The following NDUFS4 variants were observed in gnomAD, a reference collection of about 807,000 sequenced individuals.
The protein encoded by NDUFS4 is NADH dehydrogenase [ubiquinone] iron-sulfur protein 4, mitochondrial.
NDUFS4 carries 28 observed loss-of-function variants against 24.3 expected under a neutral mutation model. That is an observed-to-expected ratio of 1.15 (90% CI 0.85 to 1.58). The LOEUF (loss-of-function observed/expected upper bound fraction) is 1.58, where lower values mean the gene tolerates loss of function less well. Ranked by LOEUF, NDUFS4 falls within the 40% of genes most tolerant of loss-of-function variation. NDUFS4 has a pLI of 0.00. For synonymous variants in NDUFS4, 93 were observed against 69.7 expected (o/e 1.34, Z -1.67); for missense variants, 223 against 207.9 (o/e 1.07, Z -0.45).
At chr5:53,660,460 A>T (rs1278563344) in intron 4 of NDUFS4, among the ~76,000 whole-genome samples, 4 of 152,042 alleles carry the variant, frequency 2.6e-5, no homozygotes, top group Non-Finnish European at 5.9e-5. Flanking sequence ...CAGTAAACAT[A>T]TGTGTGCATG....
intron 1 of NDUFS4, among the ~76,000 whole-genome samples, chr5:53,571,414 C>T (rs113235672): frequency 4.1e-4 from 62 of 152,320 alleles, no homozygotes; most frequent in African/African-American, 1.3e-3. Context: ...ATTGTATGGA[C>T]AAACCACATT....
intron 1 of NDUFS4, among the ~76,000 whole-genome samples, chr5:53,572,934 G>A (rs187954579): frequency 1.4e-4 from 21 of 149,684 alleles, no homozygotes; most frequent in Non-Finnish European, 2.8e-4. Context: ...GTGAGCTACC[G>A]TGCCTGGCCT....
In NDUFS4 at chr5:53,582,163, A is replaced by C. The variant is rs540248687; in HGVS notation, c.99-21289A>C. Among the ~76,000 whole-genome samples the C allele has an allele frequency of 2.3e-3, 349 of 152,090 alleles. 1 individual carries two copies. Among genetic ancestry groups the C allele is most frequent in the Middle Eastern group, 0.017 (5 of 294 alleles). On this transcript the variant is annotated intron_variant, in intron 1 of 4. Coordinates refer to ENST00000296684, the MANE Select transcript of NDUFS4 (RefSeq NM_002495.4). ...GAGGCGGAGCTTGCAGTGAGCCGAGATCGCGCCACTGCACTCCAGCCTGAG... is the reference window on the plus strand; with the variant it reads ...GAGGCGGAGCTTGCAGTGAGCCGAGCTCGCGCCACTGCACTCCAGCCTGAG...
intron 4 of NDUFS4, among the ~76,000 whole-genome samples, chr5:53,660,005 CTTTTT>C (rs141107369): frequency 6.6e-6 from 1 of 150,936 alleles, no homozygotes; most frequent in Non-Finnish European, 1.5e-5. Flanking sequence ...TATTAATAGA[CTTTTT>C]TTTTATTTAA....
At chr5:53,600,200 C>T (rs1184346794) in intron 1 of NDUFS4, among the ~76,000 whole-genome samples, 4 of 151,598 alleles carry the variant, frequency 2.6e-5, no homozygotes, top group South Asian at 2.1e-4. Context: ...GGTTTCTCCA[C>T]GTTGGTCAGG....
intron 2 of NDUFS4, among the ~76,000 whole-genome samples, chr5:53,631,759 A>C (rs562543576): frequency 7.2e-5 from 11 of 152,288 alleles, no homozygotes; most frequent in Admixed American, 7.2e-4. Context: ...TCGATCTCAG[A>C]CTGCTGCGCT....
At chr5:53,682,821 AT>A (rs1740712027) in intron 4 of NDUFS4, among the ~76,000 whole-genome samples, 1 of 152,122 alleles carries the variant, frequency 6.6e-6, no homozygotes, top group Non-Finnish European at 1.5e-5. Context: ...AGTAATGGAA[AT>A]TTTTATGTAA....
chr5:53,650,006 A>G (rs931872141), intron 3 of NDUFS4, among the ~76,000 whole-genome samples: 5 of 152,170 alleles, frequency 3.3e-5, no homozygotes, highest in African/African-American at 1.2e-4. Flanking sequence ...TATAATATAT[A>G]GAGTCATTTT....
At chr5:53,679,722 T>TTGAG (rs1160766534) in intron 4 of NDUFS4, among the ~76,000 whole-genome samples, 2 of 152,136 alleles carry the variant, frequency 1.3e-5, no homozygotes, top group African/African-American at 4.8e-5. Flanking sequence ...TCCTAGATAT[T>TTGAG]TGAGTGCTTT....
intron 1 of NDUFS4, among the ~76,000 whole-genome samples, chr5:53,572,950 G>GTT (rs1561334374): frequency 4.3e-5 from 5 of 116,742 alleles, no homozygotes; most frequent in South Asian, 2.9e-4. Context: ...GGCCTTTGTT[G>GTT]TTTTTTGTTT....
chr5:53,572,368 G>T lies in NDUFS4; in HGVS notation c.98+11608G>T, dbSNP rs1330042970. 2.4e-4 allele frequency among the ~76,000 whole-genome samples: 37 copies of T among 152,126 alleles called. 2 individuals carry two copies. The highest frequency in any genetic ancestry group is 2.4e-3 in the Admixed American group (37 of 15,270). On this transcript the variant is annotated intron_variant, in intron 1 of 4. Coordinates refer to ENST00000296684, the MANE Select transcript of NDUFS4 (RefSeq NM_002495.4). ...GAAGGGATGGGGGAAGAAGGTCAAAGGTACCTTCCTACTTCGGCCGTTTTT... is the reference window on the plus strand; with the variant it reads ...GAAGGGATGGGGGAAGAAGGTCAAATGTACCTTCCTACTTCGGCCGTTTTT...
At chr5:53,598,527 C>T (rs1474760688) in intron 1 of NDUFS4, among the ~76,000 whole-genome samples, 1 of 151,946 alleles carries the variant, frequency 6.6e-6, no homozygotes, top group Non-Finnish European at 1.5e-5. Flanking sequence ...AACTTTAGAG[C>T]AACAAGTTCC....
chr5:53,572,111 G>A (rs557865566), intron 1 of NDUFS4, among the ~76,000 whole-genome samples: 1 of 152,302 alleles, frequency 6.6e-6, no homozygotes, highest in East Asian at 1.9e-4. Flanking sequence ...TTTATGCTTA[G>A]GTTTGGTGAA....
rs1554062456 is a variant in NDUFS4, at chr5:53,683,236, T to TATC, written c.*16_*18dup. 7 of 1,526,708 alleles carry TATC rather than the reference T, an allele frequency of 4.6e-6. No individual in the cohort carries two copies. The East Asian group carries it at 9.0e-5, about 20-fold the overall frequency. The allele number at this position is 1,526,708 out of a possible 1,614,324, so 94.6% of individuals were successfully genotyped here. On this transcript the variant is annotated 3_prime_UTR_variant, in exon 5 of 5. Coordinates refer to ENST00000296684, the MANE Select transcript of NDUFS4 (RefSeq NM_002495.4). Reference sequence around the variant, plus strand: ...CCACAAAATAGGTTGGCACTGACTATATCTCTGCTTGACTGTGAATAAAGT... The same window carrying TATC: ...CCACAAAATAGGTTGGCACTGACTATATCATCTCTGCTTGACTGTGAATAAAGT...
intron 2 of NDUFS4, among the ~76,000 whole-genome samples, chr5:53,616,602 A>G (rs762349140): frequency 6.6e-6 from 1 of 152,186 alleles, no homozygotes; most frequent in East Asian, 1.9e-4. Context: ...AACAGACGGA[A>G]AGATATGACA....
intron 4 of NDUFS4, among the ~76,000 whole-genome samples, chr5:53,677,851 G>C (rs1397229225): frequency 6.6e-6 from 1 of 152,140 alleles, no homozygotes; most frequent in Admixed American, 6.6e-5. Flanking sequence ...TCATTTAGCT[G>C]TTCACTTCCA....
chr5:53,561,461 G>T (rs1222395867), intron 1 of NDUFS4, among the ~76,000 whole-genome samples: 5 of 151,170 alleles, frequency 3.3e-5, no homozygotes. Flanking sequence ...GTCAGATTCA[G>T]TTGTCAGTTG....
chr5:53,651,282 G>A (rs1752009143), intron 3 of NDUFS4, among the ~76,000 whole-genome samples: 1 of 151,866 alleles, frequency 6.6e-6, no homozygotes, highest in African/African-American at 2.4e-5. Context: ...AAAATAGTAT[G>A]TAATTTTACT....
chr5:53,679,530 A>G (rs993358790), intron 4 of NDUFS4, among the ~76,000 whole-genome samples: 3 of 152,110 alleles, frequency 2.0e-5, no homozygotes, highest in African/African-American at 7.2e-5. Flanking sequence ...ATATGTATAA[A>G]ACTTCATTCT....
Sources: allele counts gnomAD v4.1 joint callset (sites outside exome capture counted in the v4.1 genomes callset), GRCh38; gene constraint gnomAD v4.1.1; transcripts MANE v1.5; gene names NCBI Gene and HGNC (gene_info 2026-07-23, HGNC 2026-07-21).